The following SCRG1 variants were observed in gnomAD, a reference collection of about 807,000 sequenced individuals.
SCRG1 encodes the protein stimulator of chondrogenesis 1.
SCRG1 carries 3 observed loss-of-function variants against 7.7 expected under a neutral mutation model. The observed-to-expected ratio is 0.39, with a 90% CI of 0.18 to 1.01. The LOEUF (loss-of-function observed/expected upper bound fraction) is 1.01. Ranked by LOEUF, SCRG1 falls within the 50% of genes least tolerant of loss-of-function variation. The pLI, the probability that SCRG1 is intolerant of heterozygous loss-of-function variation, is 0.36. For synonymous variants in SCRG1, 46 were observed against 41.2 expected (o/e 1.12, Z -0.44); for missense variants, 110 against 117.2 (o/e 0.94, Z 0.28).
chr4:173,434,053 T>C, the SCRG1 span, among the ~76,000 whole-genome samples: 1 of 152,172 alleles, frequency 6.6e-6, no homozygotes, highest in Non-Finnish European at 1.5e-5. Flanking sequence ...ATACCTAGTG[T>C]GGTGTCCATT....
chr4:173,398,150 C>T (rs1319656543), intron 1 of SCRG1: 1 of 151,680 alleles, frequency 6.6e-6, no homozygotes, highest in East Asian at 1.9e-4. Flanking sequence ...TGACTGAGTC[C>T]CAAAGTGAAA....
At chr4:173,400,679 G>A (rs1236458206), upstream of SCRG1, among the ~76,000 whole-genome samples, 2 of 152,078 alleles carry the variant, frequency 1.3e-5, no homozygotes, top group South Asian at 2.1e-4. Flanking sequence ...GTCTGAACTC[G>A]TTCACTCTCC....
At chr4:173,438,135 GACAGGGTCTC>G in the SCRG1 span, among the ~76,000 whole-genome samples, 1 of 152,054 alleles carries the variant, frequency 6.6e-6, no homozygotes, top group African/African-American at 2.4e-5. Context: ...TTATTTTGGA[GACAGGGTCTC>G]ACGCGTGTTG....
upstream of SCRG1, among the ~76,000 whole-genome samples, chr4:173,400,161 G>A (rs1053502933): frequency 1.3e-5 from 2 of 152,176 alleles, no homozygotes; most frequent in Admixed American, 1.3e-4. Flanking sequence ...GAGGAAAGGA[G>A]ACTAAAGACA....
chr4:173,493,134 C>T, the SCRG1 span, among the ~76,000 whole-genome samples: 4 of 152,086 alleles, frequency 2.6e-5, no homozygotes, highest in African/African-American at 9.7e-5. Context: ...TGTGTCCCCA[C>T]CCAAATCTAT....
the SCRG1 span, among the ~76,000 whole-genome samples, chr4:173,509,552 C>T: frequency 1.3e-5 from 2 of 152,166 alleles, no homozygotes; most frequent in Admixed American, 1.3e-4. This position sits in a 1 kb window ranked among gnomAD's most constrained non-coding sequence, Gnocchi z 5.7. Context: ...CTGTGCGCTT[C>T]GGCCTGGCGG....
At chr4:173,411,390 A>C in the SCRG1 span, among the ~76,000 whole-genome samples, 2 of 152,236 alleles carry the variant, frequency 1.3e-5, no homozygotes, top group Non-Finnish European at 2.9e-5. Flanking sequence ...AGCAGCAAAC[A>C]GTAAATAATG....
chr4:173,427,098 G>A, the SCRG1 span, among the ~76,000 whole-genome samples: 1 of 152,216 alleles, frequency 6.6e-6, no homozygotes, highest in African/African-American at 2.4e-5. Context: ...GCACTGCCTA[G>A]TAAAAATGTG....
chr4:173,458,863 A>G, the SCRG1 span, among the ~76,000 whole-genome samples: 1 of 152,230 alleles, frequency 6.6e-6, no homozygotes, highest in Admixed American at 6.5e-5. Context: ...ACTGCCCACA[A>G]GAAACTCACT....
chr4:173,485,963 C>CT, the SCRG1 span, among the ~76,000 whole-genome samples: 1 of 152,126 alleles, frequency 6.6e-6, no homozygotes, highest in Non-Finnish European at 1.5e-5. Flanking sequence ...GAATGAGACT[C>CT]TGTCTCAAAA....
chr4:173,419,321 A>C, the SCRG1 span: 1 of 766,894 alleles, frequency 1.3e-6, no homozygotes, highest in Non-Finnish European at 2.1e-6. Context: ...CTTCTGAGCA[A>C]GGGATATTTT....
At chr4:173,462,904 T>C in the SCRG1 span, among the ~76,000 whole-genome samples, 1 of 152,134 alleles carries the variant, frequency 6.6e-6, no homozygotes, top group Non-Finnish European at 1.5e-5. Flanking sequence ...TGGGTTATAA[T>C]ATAGTATTTT....
chr4:173,394,826 T>C (rs1739553835), intron 1 of SCRG1, among the ~76,000 whole-genome samples: 1 of 152,232 alleles, frequency 6.6e-6, no homozygotes, highest in Non-Finnish European at 1.5e-5. Context: ...TTAATACTTT[T>C]GTCTTTCAAC....
At chr4:173,490,856 T>C in the SCRG1 span, among the ~76,000 whole-genome samples, 1 of 152,196 alleles carries the variant, frequency 6.6e-6, no homozygotes, top group African/African-American at 2.4e-5. Flanking sequence ...GGTCTTGCTG[T>C]GGAGTTAACT....
chr4:173,483,812 TAA>T, the SCRG1 span, among the ~76,000 whole-genome samples: 16 of 25,430 alleles, frequency 6.3e-4, no homozygotes, highest in African/African-American at 8.5e-4. Flanking sequence ...ATATGATATG[TAA>T]TATATATAAT....
At chr4:173,460,319 G>A in the SCRG1 span, among the ~76,000 whole-genome samples, 2 of 152,190 alleles carry the variant, frequency 1.3e-5, no homozygotes, top group African/African-American at 2.4e-5. Flanking sequence ...GCGACATACT[G>A]AGACACCAGC....
chr4:173,464,818 T>G, the SCRG1 span, among the ~76,000 whole-genome samples: 1 of 152,180 alleles, frequency 6.6e-6, no homozygotes, highest in Non-Finnish European at 1.5e-5. Flanking sequence ...TCATTCACCA[T>G]AGCCAAAAGG....
chr4:173,394,504 C>T (rs531041236), intron 1 of SCRG1, among the ~76,000 whole-genome samples: 139 of 152,140 alleles, frequency 9.1e-4, no homozygotes, highest in African/African-American at 2.6e-3. Flanking sequence ...ATTAGCCGGG[C>T]GTGGTGGCGA....
the SCRG1 span, chr4:173,419,453 T>C: frequency 3.1e-6 from 3 of 967,092 alleles, no homozygotes; most frequent in Non-Finnish European, 4.8e-6. Context: ...AGTTACGCTG[T>C]TCTTTGTGTA....
Sources: allele counts gnomAD v4.1 joint callset (sites outside exome capture counted in the v4.1 genomes callset), GRCh38; gene constraint gnomAD v4.1.1; non-coding constraint Gnocchi (gnomAD v3.1); transcripts MANE v1.5; gene names NCBI Gene and HGNC (gene_info 2026-07-23, HGNC 2026-07-21).